Variants in GRM1 observed in about 807,000 individuals in gnomAD.
The protein encoded by GRM1 is metabotropic glutamate receptor 1.
Under a neutral mutation model 90.9 loss-of-function variants are expected in GRM1, and 33 were observed. That is an observed-to-expected ratio of 0.36 (90% CI 0.28 to 0.49). The LOEUF (loss-of-function observed/expected upper bound fraction) is 0.49. Ranked by LOEUF, GRM1 falls within the 20% of genes least tolerant of loss-of-function variation. The pLI is 0.99. For missense variants in GRM1, 1,190 were observed against 1,534.3 expected (o/e 0.78, Z 3.75); for synonymous variants, 700 against 613.2 (o/e 1.14, Z -2.09).
chr6:146,072,463 C>G (rs1040965466), intron 1 of GRM1, among the ~76,000 whole-genome samples: 4 of 152,112 alleles, frequency 2.6e-5, no homozygotes, highest in Non-Finnish European at 4.4e-5. Context: ...AAACTTTTTA[C>G]TTTCAAAAGT....
chr6:146,092,036 T>C (rs1036133578), intron 1 of GRM1, among the ~76,000 whole-genome samples: 2 of 152,142 alleles, frequency 1.3e-5, no homozygotes, highest in Non-Finnish European at 2.9e-5. Context: ...TGCTTCACTT[T>C]CCCATTCCCC....
chr6:146,369,190 T>TC (rs1775809021), intron 5 of GRM1, among the ~76,000 whole-genome samples: 1 of 151,950 alleles, frequency 6.6e-6, no homozygotes, highest in Admixed American at 6.6e-5. Context: ...TGCCTTTTTT[T>TC]CATCTCTGAT....
intron 2 of GRM1, among the ~76,000 whole-genome samples, chr6:146,185,071 A>C (rs1202444152): frequency 2.0e-5 from 3 of 152,234 alleles, no homozygotes; most frequent in African/African-American, 7.2e-5. Context: ...ACAATACATT[A>C]ACCTCTTTAA....
At chr6:146,043,021 C>T (rs1791173208) in intron 1 of GRM1, among the ~76,000 whole-genome samples, 1 of 151,856 alleles carries the variant, frequency 6.6e-6, no homozygotes, top group Non-Finnish European at 1.5e-5. Flanking sequence ...CCAGGGGCCA[C>T]CCACAGTGGC....
chr6:146,397,501 A>AAAC (rs1777007139), intron 6 of GRM1, among the ~76,000 whole-genome samples: 1 of 151,214 alleles, frequency 6.6e-6, no homozygotes, highest in African/African-American at 2.4e-5. Flanking sequence ...AAAAAAAAAA[A>AAAC]AAAAGCACAA....
chr6:146,414,015 C>T (rs1010682720), intron 7 of GRM1, among the ~76,000 whole-genome samples: 1 of 152,164 alleles, frequency 6.6e-6, no homozygotes, highest in African/African-American at 2.4e-5. Flanking sequence ...AATCAACATA[C>T]ATACACAAGA....
chr6:146,299,360 T>C (rs552343203), intron 2 of GRM1, among the ~76,000 whole-genome samples: 47 of 152,186 alleles, frequency 3.1e-4, no homozygotes, highest in Non-Finnish European at 5.6e-4. Context: ...GAATTTTACC[T>C]TGTTGAGTAC....
At chr6:146,172,437 C>T (rs1224681431) in intron 2 of GRM1, among the ~76,000 whole-genome samples, 1 of 152,144 alleles carries the variant, frequency 6.6e-6, no homozygotes, top group Non-Finnish European at 1.5e-5. Flanking sequence ...TTCTCTTTGC[C>T]GAATGTATTC....
At chr6:146,090,000 A>T (rs748153143) in intron 1 of GRM1, among the ~76,000 whole-genome samples, 1 of 152,128 alleles carries the variant, frequency 6.6e-6, no homozygotes, top group Non-Finnish European at 1.5e-5. Context: ...TATTATAGAT[A>T]TTAAACTTCA....
intron 2 of GRM1, among the ~76,000 whole-genome samples, chr6:146,234,649 CAT>C (rs1192457032): frequency 6.6e-6 from 1 of 152,102 alleles, no homozygotes; most frequent in African/African-American, 2.4e-5. Flanking sequence ...TTTCTTCTGA[CAT>C]ATTTTATAAA....
chr6:146,182,344 A>G (rs1295191318), intron 2 of GRM1, among the ~76,000 whole-genome samples: 3 of 152,192 alleles, frequency 2.0e-5, no homozygotes, highest in Non-Finnish European at 4.4e-5. Context: ...AGAATTCTAA[A>G]CGACAGGTGG....
At chr6:146,151,459 G>T (rs9497461) in intron 1 of GRM1, among the ~76,000 whole-genome samples, 38,759 of 151,898 alleles carry the variant, frequency 0.26, 8,833 homozygotes, top group African/African-American at 0.62. Context: ...GAGCTCAGAT[G>T]GTTTTAAATA....
At position 146,435,223 on chromosome 6, in the gene GRM1, T is replaced by C; in HGVS notation, c.*427T>C. On this transcript the variant is annotated 3_prime_UTR_variant, in exon 8 of 8. Transcript: ENST00000282753. ...GTGGACATGCCAGTCGGATCATGAG[T>C]TCACCTGATGGCATTCGGAGTGAGC... 1 of 327,374 alleles carries C rather than the reference T, an allele frequency of 3.1e-6. No homozygotes were observed. Among genetic ancestry groups the C allele is most frequent in the Non-Finnish European group, 5.9e-6 (1 of 170,014 alleles). The allele number at this position is 327,374 out of a possible 1,614,324, so 20.3% of individuals were successfully genotyped here. A position where few individuals can be genotyped will look rare whatever the true frequency, so the allele number is the denominator to read the frequency against.
chr6:146,217,573 TAG>T (rs1382344235), intron 2 of GRM1, among the ~76,000 whole-genome samples: 5 of 152,142 alleles, frequency 3.3e-5, no homozygotes, highest in Non-Finnish European at 7.4e-5. Context: ...ATGCCAACAA[TAG>T]AGTCATTCAT....
chr6:146,271,171 ATTGT>A (rs959873416), intron 2 of GRM1, among the ~76,000 whole-genome samples: 41 of 151,684 alleles, frequency 2.7e-4, no homozygotes, highest in African/African-American at 9.4e-4. Flanking sequence ...TGCCCAGCTA[ATTGT>A]TTGTATTTTT....
intron 1 of GRM1, among the ~76,000 whole-genome samples, chr6:146,138,466 T>G (rs1776710792): frequency 6.6e-6 from 1 of 152,178 alleles, no homozygotes; most frequent in Non-Finnish European, 1.5e-5. Flanking sequence ...ATTAGTTATT[T>G]AAATGTTTGG....
chr6:146,029,795 C>A lies in GRM1; in HGVS notation c.278C>A (p.Pro93Gln). The change falls in exon 1 of 8, where the codon CCG becomes CAG. Residue 93 changes from proline to glutamine, a missense_variant. This residue lies in a region of GRM1 where 91 missense variants were observed against 95.6 expected (regional missense o/e 0.95). Transcript: ENST00000282753. ...ACGTTGGATAAGATCAACGCGGACC[C>A]GGTCCTCCTGCCCAACATCACCCTG... ...FHTLDKINAD[P>Q]VLLPNITLGS... 2 of 1,614,114 alleles carry A rather than the reference C, an allele frequency of 1.2e-6. No homozygotes were observed. Among genetic ancestry groups the A allele is most frequent in the Non-Finnish European group, 1.7e-6 (2 of 1,179,994 alleles).
At chr6:146,368,909 T>C (rs1775798543) in intron 5 of GRM1, among the ~76,000 whole-genome samples, 1 of 152,006 alleles carries the variant, frequency 6.6e-6, no homozygotes, top group Admixed American at 6.6e-5. Flanking sequence ...TTGGAATAGT[T>C]TGAGAATAAT....
chr6:146,123,813 G>A (rs1017446247), intron 1 of GRM1, among the ~76,000 whole-genome samples: 1 of 152,088 alleles, frequency 6.6e-6, no homozygotes, highest in Non-Finnish European at 1.5e-5. Context: ...TCTGGTCTCT[G>A]GCTGGCATCC....
Sources: gnomAD v4.1 joint callset for allele counts (sites outside exome capture counted in the v4.1 genomes callset) on GRCh38, gnomAD v4.1.1 for gene constraint, gnomAD v4.1.1 regional missense constraint, MANE v1.5 for transcripts, NCBI Gene and HGNC (gene_info 2026-07-23, HGNC 2026-07-21) for gene names.